The following PPP6R3 variants were observed in gnomAD, a reference collection of about 807,000 sequenced individuals.
PPP6R3 encodes the protein serine/threonine-protein phosphatase 6 regulatory subunit 3.
In PPP6R3, 38 loss-of-function variants were observed where a neutral mutation model predicts 110.7. That is an observed-to-expected ratio of 0.34 (90% CI 0.26 to 0.45). PPP6R3 has a LOEUF of 0.45. PPP6R3 is among the 20% of genes least tolerant of loss of function. The pLI, the probability that PPP6R3 is intolerant of heterozygous loss-of-function variation, is 1.00. For missense variants in PPP6R3, 870 were observed against 1,062.4 expected, an observed-to-expected ratio of 0.82 and a Z score of 2.52; for synonymous variants, 369 against 373.5, an observed-to-expected ratio of 0.99 and a Z score of 0.14.
chr11:68,566,867 A>AT (rs1411982122), intron 9 of PPP6R3, 147 bp from the exon 10 acceptor site: 1 of 566,448 alleles, frequency 1.8e-6, no homozygotes, highest in African/African-American at 1.9e-5. Flanking sequence ...TATCTTAAAG[A>AT]TATCAAGAGC....
chr11:68,485,941 A>C (rs927829539), intron 1 of PPP6R3, among the ~76,000 whole-genome samples: 7 of 151,678 alleles, frequency 4.6e-5, no homozygotes, highest in Non-Finnish European at 8.8e-5. Flanking sequence ...AGGCCAAGGC[A>C]GACAGATCAC....
chr11:68,488,401 T>G (rs539314183), intron 1 of PPP6R3, among the ~76,000 whole-genome samples: 2 of 152,334 alleles, frequency 1.3e-5, no homozygotes, highest in East Asian at 3.9e-4. Flanking sequence ...CTTGAGCTCC[T>G]GGGCTCAAGC....
chr11:68,501,477 C>G (rs1394587830), intron 1 of PPP6R3, among the ~76,000 whole-genome samples: 2 of 152,176 alleles, frequency 1.3e-5, no homozygotes, highest in Admixed American at 1.3e-4. Context: ...CAAGCACGCA[C>G]CACCACACCT....
rs545092741 is a variant in PPP6R3, at chr11:68,574,013, T to C, written c.1344-96T>C. 12 of 848,248 alleles carry C rather than the reference T, an allele frequency of 1.4e-5. No homozygotes were observed. The Admixed American group carries it at 2.2e-4, about 15-fold the overall frequency. The allele number at this position is 848,248 out of a possible 1,614,324, so 52.5% of individuals were successfully genotyped here. A position where few individuals can be genotyped will look rare whatever the true frequency, so the allele number is the denominator to read the frequency against. ...GTCATTTTCTTCAGTGCCTTCAGGG[T>C]TTAAAATGATTGTTTAAAAGTCCGC... On this transcript the variant is annotated intron_variant, in intron 12 of 23. Transcript: ENST00000393800.
At chr11:68,471,295 AAAAAAG>A (rs2098790379) in intron 1 of PPP6R3, among the ~76,000 whole-genome samples, 1 of 151,760 alleles carries the variant, frequency 6.6e-6, no homozygotes, top group African/African-American at 2.4e-5. Context: ...AAAAAAAAAA[AAAAAAG>A]AAAAAGAAAT....
rs990880013 is a variant in PPP6R3, at chr11:68,564,218, C to T, written c.846-85C>T. ...CCGCAGCCAGAAAAGTTGATATAAT[C>T]ATTAAGTAAAGACATACATGGTCGA... On this transcript the variant is annotated intron_variant, in intron 8 of 23. Coordinates refer to ENST00000393800, the MANE Select transcript of PPP6R3 (RefSeq NM_001164161.2). 3 of 1,338,340 alleles carry T rather than the reference C, an allele frequency of 2.2e-6. No individual in the cohort carries two copies. In the Admixed American group the frequency reaches 6.9e-5, roughly 31 times the overall value. 82.9% of individuals were successfully genotyped at this position (1,338,340 alleles called of 1,614,324 possible).
At chr11:68,605,286 C>A (rs949602395) in intron 22 of PPP6R3, among the ~76,000 whole-genome samples, 1 of 152,154 alleles carries the variant, frequency 6.6e-6, no homozygotes, top group South Asian at 2.1e-4. Context: ...GCACTCCAGC[C>A]TGGGGGACAA....
At chr11:68,464,064 A>G (rs2098727973) in intron 1 of PPP6R3, among the ~76,000 whole-genome samples, 2 of 152,214 alleles carry the variant, frequency 1.3e-5, no homozygotes, top group South Asian at 4.1e-4. Flanking sequence ...ATAAGCCTGC[A>G]TTAGAATAAT....
intron 1 of PPP6R3, among the ~76,000 whole-genome samples, chr11:68,474,374 A>C (rs2098813708): frequency 6.6e-6 from 1 of 152,122 alleles, no homozygotes; most frequent in South Asian, 2.1e-4. Context: ...CATATTGGCT[A>C]TTTGTATATC....
At chr11:68,476,458 AG>A (rs1484655805) in intron 1 of PPP6R3, among the ~76,000 whole-genome samples, 2 of 1,044 alleles carry the variant, frequency 1.9e-3, no homozygotes, top group Non-Finnish European at 3.9e-3. Context: ...CCGTGGGGAG[AG>A]GGGGGAGGGG....
At chr11:68,564,857 G>C (rs1012251578) in intron 9 of PPP6R3, among the ~76,000 whole-genome samples, 2 of 152,190 alleles carry the variant, frequency 1.3e-5, no homozygotes, top group Admixed American at 6.6e-5. Flanking sequence ...TATACAATTT[G>C]GAGAGAATAT....
At chr11:68,513,051 G>A (rs970608365) in intron 1 of PPP6R3, among the ~76,000 whole-genome samples, 1 of 152,034 alleles carries the variant, frequency 6.6e-6, no homozygotes, top group Admixed American at 6.6e-5. Flanking sequence ...TGGACTCCAC[G>A]ATATACACCA....
intron 1 of PPP6R3, among the ~76,000 whole-genome samples, chr11:68,475,788 T>A (rs1427809753): frequency 7.6e-6 from 1 of 131,200 alleles, no homozygotes; most frequent in Non-Finnish European, 1.6e-5. Flanking sequence ...TCAGACGGGG[T>A]GGCTGCCGGG....
intron 2 of PPP6R3, among the ~76,000 whole-genome samples, chr11:68,531,596 C>T (rs1446600951): frequency 6.6e-6 from 1 of 152,124 alleles, no homozygotes; most frequent in Non-Finnish European, 1.5e-5. Flanking sequence ...CCAGCCAAGA[C>T]TGCATTTTGA....
chr11:68,581,232 T>A (rs2099553208), intron 14 of PPP6R3, among the ~76,000 whole-genome samples: 1 of 152,238 alleles, frequency 6.6e-6, no homozygotes, highest in South Asian at 2.1e-4. Context: ...AAAGCTTTTT[T>A]AAATATCTTC....
intron 22 of PPP6R3, among the ~76,000 whole-genome samples, chr11:68,608,087 G>A (rs1018161557): frequency 2.0e-5 from 3 of 149,330 alleles, no homozygotes; most frequent in Non-Finnish European, 4.4e-5. Flanking sequence ...AAAGAGTTGA[G>A]TTAGATTATA....
At chr11:68,551,830 C>T (rs533476963) in intron 6 of PPP6R3, among the ~76,000 whole-genome samples, 1 of 152,172 alleles carries the variant, frequency 6.6e-6, no homozygotes, top group Non-Finnish European at 1.5e-5. Context: ...GATGTGGCCA[C>T]ATTTGCATTT....
intron 1 of PPP6R3, among the ~76,000 whole-genome samples, chr11:68,494,532 G>A (rs1592008719): frequency 6.6e-6 from 1 of 151,546 alleles, no homozygotes; most frequent in African/African-American, 2.4e-5. Flanking sequence ...GATTTGTTTG[G>A]TGGTTCACTG....
intron 1 of PPP6R3, among the ~76,000 whole-genome samples, chr11:68,513,259 A>G (rs1209823936): frequency 3.9e-5 from 6 of 152,068 alleles, no homozygotes; most frequent in Non-Finnish European, 1.5e-5. Context: ...GTATCTGTAT[A>G]CATATCTTAC....
Sources: gnomAD v4.1 joint callset for allele counts (sites outside exome capture counted in the v4.1 genomes callset) on GRCh38, gnomAD v4.1.1 for gene constraint, MANE v1.5 for transcripts, NCBI Gene and HGNC (gene_info 2026-07-23, HGNC 2026-07-21) for gene names.